Variants in GALNT1 observed in about 807,000 individuals in gnomAD.
The protein encoded by GALNT1 is polypeptide N-acetylgalactosaminyltransferase 1, also known as GalNAc transferase 1.
In GALNT1, 17 loss-of-function variants were observed where a neutral mutation model predicts 65.7. That is an observed-to-expected ratio of 0.26 (90% confidence interval 0.18 to 0.39). GALNT1 has a LOEUF of 0.39. Ranked by LOEUF, GALNT1 falls within the 10% of genes least tolerant of loss-of-function variation. GALNT1 has a pLI of 1.00. For synonymous variants in GALNT1, 210 were observed against 219.7 expected (o/e 0.96, Z 0.39); for missense variants, 460 against 672.8 (o/e 0.68, Z 3.50).
At chr18:35,642,854 C>T (rs2047182180) in intron 1 of GALNT1, among the ~76,000 whole-genome samples, 1 of 152,004 alleles carries the variant, frequency 6.6e-6, no homozygotes, top group African/African-American at 2.4e-5. Flanking sequence ...TCACTGAAGC[C>T]AAGGAAGAGT....
intron 5 of GALNT1, among the ~76,000 whole-genome samples, chr18:35,686,621 T>A (rs996712280): frequency 6.6e-6 from 1 of 152,152 alleles, no homozygotes; most frequent in Non-Finnish European, 1.5e-5. Flanking sequence ...GACCATTACA[T>A]AAATAGTGGT....
chr18:35,617,891 C>T (rs2046804777), intron 1 of GALNT1, among the ~76,000 whole-genome samples: 1 of 152,104 alleles, frequency 6.6e-6, no homozygotes, highest in South Asian at 2.1e-4. Flanking sequence ...AAAATAAAAA[C>T]AATACCTATT....
intron 1 of GALNT1, among the ~76,000 whole-genome samples, chr18:35,586,763 A>G (rs1263079857): frequency 6.6e-6 from 1 of 152,182 alleles, no homozygotes; most frequent in African/African-American, 2.4e-5. Flanking sequence ...GGCATGGGGT[A>G]GACTGATTCC....
intron 1 of GALNT1, among the ~76,000 whole-genome samples, chr18:35,602,484 C>A (rs1391855354): frequency 1.3e-5 from 2 of 152,014 alleles, no homozygotes; most frequent in African/African-American, 4.8e-5. Flanking sequence ...AGTTGAACAC[C>A]AGTGATTCTT....
chr18:35,698,732 A>G (rs1331888824), intron 9 of GALNT1, among the ~76,000 whole-genome samples: 3 of 151,860 alleles, frequency 2.0e-5, no homozygotes, highest in Admixed American at 6.6e-5. Context: ...TAATCCCAGC[A>G]CTTTGGGAGG....
intron 11 of GALNT1, among the ~76,000 whole-genome samples, chr18:35,706,393 T>G (rs2144766238): frequency 6.6e-6 from 1 of 151,902 alleles, no homozygotes; most frequent in South Asian, 2.1e-4. Flanking sequence ...TCCCAGATAC[T>G]CAGGAGGCTG....
chr18:35,687,049 C>T lies in GALNT1; in HGVS notation c.723C>T (p.Ile241=), dbSNP rs1441809265. ...RTVVCPIIDV[I]SDDTFEYMAG... Reference sequence around the variant, plus strand: ...TGGTGTGTCCCATCATCGATGTGATCAGTGATGATACTTTTGAGTACATGG... The same window carrying T: ...TGGTGTGTCCCATCATCGATGTGATTAGTGATGATACTTTTGAGTACATGG... The change falls in exon 6 of 12, where the codon ATC becomes ATT. Residue 241 remains isoleucine, a synonymous_variant. Coordinates refer to ENST00000269195, the MANE Select transcript of GALNT1 (RefSeq NM_020474.4). 6.2e-7 allele frequency: 1 copy of T among 1,613,554 alleles called. No homozygotes were observed. Among genetic ancestry groups the T allele is most frequent in the Non-Finnish European group, 8.5e-7 (1 of 1,179,764 alleles).
chr18:35,692,384 A>G (rs561943620), intron 9 of GALNT1, 64 bp downstream of exon 9: 14 of 1,071,020 alleles, frequency 1.3e-5, no homozygotes, highest in East Asian at 1.2e-4. Flanking sequence ...ATTAAAAAAA[A>G]ATAGGAGTTA....
intron 1 of GALNT1, among the ~76,000 whole-genome samples, chr18:35,612,152 A>G (rs1268540374): frequency 5.3e-5 from 8 of 152,220 alleles, no homozygotes; most frequent in Non-Finnish European, 1.2e-4. Flanking sequence ...GAAAATAATT[A>G]TAAGGCTGCA....
intron 3 of GALNT1, among the ~76,000 whole-genome samples, chr18:35,669,428 C>T (rs879821778): frequency 1.3e-5 from 2 of 151,988 alleles, no homozygotes; most frequent in Non-Finnish European, 2.9e-5. Flanking sequence ...CCAGTAGTCT[C>T]GATACAGATG....
intron 1 of GALNT1, 85 bp from the exon 2 acceptor site, chr18:35,654,475 T>C: frequency 5.1e-6 from 1 of 196,424 alleles, no homozygotes; most frequent in East Asian, 1.2e-4. Flanking sequence ...TATTACTTAA[T>C]GTTTATAATA....
intron 1 of GALNT1, among the ~76,000 whole-genome samples, chr18:35,625,775 C>CT (rs2046909256): frequency 6.6e-6 from 1 of 152,132 alleles, no homozygotes; most frequent in Admixed American, 6.5e-5. Flanking sequence ...TTTCCTGTGT[C>CT]TGAGTTCATA....
Position 35,663,043 on chromosome 18 carries a change from C to A in GALNT1, c.140-585C>A, listed in dbSNP as rs1223914144. 5.9e-5 allele frequency among the ~76,000 whole-genome samples: 9 copies of A among 152,200 alleles called. No individual in the cohort carries two copies. In the East Asian group the frequency reaches 1.5e-3, roughly 26 times the overall value. On this transcript the variant is annotated intron_variant, in intron 2 of 11. Transcript: ENST00000269195. ...TGTGATAGTCAAGACTAGTAAATAA[C>A]CACTATAGAGAGATTCAGAAAAGCT...
chr18:35,633,677 C>A (rs12964584), intron 1 of GALNT1, among the ~76,000 whole-genome samples: 34,141 of 151,866 alleles, frequency 0.22, 4,318 homozygotes, highest in African/African-American at 0.34. Context: ...TGTGTACCCT[C>A]GAACCTAAAA....
chr18:35,604,373 C>T (rs571396553), intron 1 of GALNT1, among the ~76,000 whole-genome samples: 36 of 152,146 alleles, frequency 2.4e-4, no homozygotes, highest in Non-Finnish European at 1.8e-4. Flanking sequence ...AGTAGTGCTG[C>T]GATAAACATA....
chr18:35,584,679 G>A (rs1277388235), intron 1 of GALNT1, among the ~76,000 whole-genome samples: 5 of 152,178 alleles, frequency 3.3e-5, no homozygotes, highest in South Asian at 2.1e-4. Context: ...GAATGGTTTC[G>A]GGATGAAACC....
intron 1 of GALNT1, among the ~76,000 whole-genome samples, chr18:35,615,107 A>C (rs1338194117): frequency 6.6e-6 from 1 of 152,158 alleles, no homozygotes; most frequent in African/African-American, 2.4e-5. Context: ...GAATTTGACC[A>C]GTTAATTCTA....
intron 3 of GALNT1, among the ~76,000 whole-genome samples, chr18:35,665,639 A>G (rs1389712417): frequency 1.3e-5 from 2 of 152,226 alleles, no homozygotes; most frequent in Non-Finnish European, 2.9e-5. Context: ...AGAAGGTCAC[A>G]ATCAAAAGGT....
At chr18:35,670,654 G>T (rs2047621608) in intron 3 of GALNT1, among the ~76,000 whole-genome samples, 1 of 152,194 alleles carries the variant, frequency 6.6e-6, no homozygotes, top group Non-Finnish European at 1.5e-5. Flanking sequence ...TCTCAAATGT[G>T]ACTGGAAATG....
Sources: allele counts gnomAD v4.1 joint callset (sites outside exome capture counted in the v4.1 genomes callset), GRCh38; gene constraint gnomAD v4.1.1; transcripts MANE v1.5; gene names NCBI Gene and HGNC (gene_info 2026-07-23, HGNC 2026-07-21).